WDR7: variants seen among roughly 807,000 people sequenced by gnomAD.
The protein encoded by WDR7 is WD repeat-containing protein 7.
Under a neutral mutation model 169.4 loss-of-function variants are expected in WDR7, and 46 were observed. The observed-to-expected ratio is 0.27, with a 90% CI of 0.21 to 0.35. The LOEUF is 0.35. Among genes scored for constraint, WDR7 ranks in the 10% least tolerant of loss-of-function variants. The pLI is 1.00. For missense variants in WDR7, 1,534 were observed against 1,859.3 expected (o/e 0.83, Z 3.22); for synonymous variants, 612 against 666.8 (o/e 0.92, Z 1.27).
intron 12 of WDR7, among the ~76,000 whole-genome samples, chr18:56,714,463 G>A (rs979246883): frequency 5.1e-5 from 3 of 59,038 alleles, no homozygotes; most frequent in African/African-American, 7.2e-5. Flanking sequence ...TTTTTTTTTT[G>A]AGATGGAGTC....
chr18:56,986,339 A>T (rs953313021), intron 26 of WDR7, among the ~76,000 whole-genome samples: 1 of 152,112 alleles, frequency 6.6e-6, no homozygotes, highest in Admixed American at 6.5e-5. Flanking sequence ...TAAGAAAAGG[A>T]TCTTGCTTTT....
rs995878587 is a variant in WDR7 at position 56,907,290 on chromosome 18, G to A, written c.3527-16632G>A. ...TTTAGTGCTTCCTCAATGCCAGAGA[G>A]TATGTTAAGCATTGGGGTATGGTTG... is the stretch of plus-strand genomic sequence containing the variant. On this transcript the variant is annotated intron_variant, in intron 21 of 27. Coordinates refer to ENST00000254442, the MANE Select transcript of WDR7 (RefSeq NM_015285.3). 4.0e-5 allele frequency among the ~76,000 whole-genome samples: 6 copies of A among 148,694 alleles called. No homozygotes were observed. The Admixed American group carries it at 4.1e-4, about 10-fold the overall frequency.
chr18:56,833,164 AAC>A (rs1365747561), intron 20 of WDR7, among the ~76,000 whole-genome samples: 2 of 151,998 alleles, frequency 1.3e-5, no homozygotes, highest in African/African-American at 4.8e-5. Flanking sequence ...GGAACTGAAA[AAC>A]ACAGCACGAG....
chr18:56,720,608 A>G (rs953130165), intron 13 of WDR7, among the ~76,000 whole-genome samples: 3 of 152,210 alleles, frequency 2.0e-5, no homozygotes, highest in Non-Finnish European at 4.4e-5. Flanking sequence ...TAATACTTGA[A>G]TATTTCAGAT....
intron 20 of WDR7, among the ~76,000 whole-genome samples, chr18:56,820,479 T>G (rs1157335458): frequency 1.3e-5 from 2 of 151,728 alleles, no homozygotes; most frequent in African/African-American, 4.8e-5. Context: ...TGATGCATTT[T>G]TTGTTAAATT....
chr18:56,949,330 TATTG>T (rs1184704777), intron 25 of WDR7, among the ~76,000 whole-genome samples: 15 of 152,214 alleles, frequency 9.9e-5, no homozygotes, highest in African/African-American at 3.6e-4. Context: ...ATTTTAAAAA[TATTG>T]ATTTATTTAA....
intron 20 of WDR7, among the ~76,000 whole-genome samples, chr18:56,864,216 A>G (rs529767350): frequency 3.2e-4 from 48 of 151,832 alleles, no homozygotes; most frequent in African/African-American, 1.1e-3. Context: ...TACAATGTGT[A>G]TTTAAAAAAC....
intron 26 of WDR7, among the ~76,000 whole-genome samples, chr18:56,971,789 T>A (rs1356647595): frequency 6.6e-6 from 1 of 152,154 alleles, no homozygotes; most frequent in Non-Finnish European, 1.5e-5. Context: ...AAAGCATGCT[T>A]ATCAGAAATA....
intron 21 of WDR7, among the ~76,000 whole-genome samples, chr18:56,883,528 A>G (rs1383973095): frequency 6.0e-5 from 9 of 150,348 alleles, no homozygotes; most frequent in African/African-American, 1.7e-4. Context: ...TTAAATTTCA[A>G]TAGGTTTTGG....
chr18:56,821,764 G>T (rs1004981667), intron 20 of WDR7, among the ~76,000 whole-genome samples: 3 of 151,614 alleles, frequency 2.0e-5, no homozygotes, highest in African/African-American at 7.3e-5. Flanking sequence ...GAGAGCTAAG[G>T]CAGGAGGATT....
chr18:56,756,722 C>G lies in WDR7; in HGVS notation c.2129C>G (p.Pro710Arg). 6.2e-7 allele frequency: 1 copy of G among 1,614,070 alleles called. No individual in the cohort carries two copies. Among genetic ancestry groups the G allele is most frequent in the Non-Finnish European group, 8.5e-7 (1 of 1,180,012 alleles). Residue 710 changes from proline (P) to arginine (R), a missense_variant, in exon 15 of 28, where the codon CCG (proline) becomes CGG (arginine). Pro to Arg is a moderately radical substitution (Grantham distance 103). Coordinates refer to ENST00000254442, the MANE Select transcript of WDR7 (RefSeq NM_015285.3). ...CTCCTGACTGAAGAAGCCTCTAGGC[C>G]GAATACTGCTCTTATTTCCCCAGAG... is the stretch of plus-strand genomic sequence containing the variant. ...IQLLTEEASR[P>R]NTALISPENL...
chr18:56,883,320 C>T (rs1212432731), intron 21 of WDR7, among the ~76,000 whole-genome samples: 2 of 151,746 alleles, frequency 1.3e-5, no homozygotes, highest in Admixed American at 1.3e-4. Context: ...TCTCATTATC[C>T]TAGTTATGTA....
chr18:56,972,325 G>C (rs1005792148), intron 26 of WDR7, among the ~76,000 whole-genome samples: 3 of 152,176 alleles, frequency 2.0e-5, no homozygotes, highest in Non-Finnish European at 4.4e-5. Flanking sequence ...TAGGGATCTT[G>C]TGGACAGTAA....
intron 21 of WDR7, among the ~76,000 whole-genome samples, chr18:56,886,223 A>G (rs2046190970): frequency 6.6e-6 from 1 of 152,196 alleles, no homozygotes; most frequent in South Asian, 2.1e-4. Flanking sequence ...AAGAGCTGTG[A>G]GGCAAAAGCA....
At chr18:56,984,882 C>T (rs2047691800) in intron 26 of WDR7, among the ~76,000 whole-genome samples, 1 of 152,096 alleles carries the variant, frequency 6.6e-6, no homozygotes, top group Admixed American at 6.5e-5. Flanking sequence ...AGTGCCCTTC[C>T]CTGGCTGTAT....
intron 19 of WDR7, among the ~76,000 whole-genome samples, chr18:56,789,284 A>T (rs75253379): frequency 0.026 from 4,019 of 152,338 alleles, 72 homozygotes; most frequent in African/African-American, 0.051. Context: ...GTCAAGTGGC[A>T]AATTAAAAAT....
Position 56,928,230 on chromosome 18 carries a change from G to A in WDR7, c.3713+4122G>A, listed in dbSNP as rs552887118. On this transcript the variant is annotated intron_variant, in intron 22 of 27. Coordinates refer to ENST00000254442, the MANE Select transcript of WDR7 (RefSeq NM_015285.3). ...TGTAATCCTAGCACTTTGGGAGGCC[G>A]AGGTGGGAGGATTGCTTGAGCTCAG... Among the ~76,000 whole-genome samples the A allele has an allele frequency of 1.1e-4, 16 of 152,264 alleles. No individual in the cohort carries two copies. In the South Asian group the frequency reaches 1.9e-3, roughly 18 times the overall value.
chr18:56,694,813 C>G, intron 10 of WDR7, 53 bp downstream of exon 10: 1 of 1,549,044 alleles, frequency 6.5e-7, no homozygotes, highest in East Asian at 2.3e-5. Flanking sequence ...ATCTTAAATA[C>G]CAACTACTGA....
In WDR7 at chr18:56,779,504, C is replaced by T. The variant is rs34678096; in HGVS notation, c.3021C>T (p.Pro1007=). The change falls in exon 18 of 28, where the codon CCC becomes CCT. Residue 1007 remains proline (P), a synonymous_variant. Transcript: ENST00000254442. ...DLLGLDKFRP[P]LLEMLARRWQ... ...TGGGATTGGATAAATTTAGGCCTCCCCTTCTGGAGATGCTGGCCCGAAGAT... is the reference window on the plus strand; with the variant it reads ...TGGGATTGGATAAATTTAGGCCTCCTCTTCTGGAGATGCTGGCCCGAAGAT... 7,383 of 1,613,950 alleles carry T rather than the reference C, an allele frequency of 4.6e-3. 28 individuals carry two copies. Among genetic ancestry groups the T allele is most frequent in the Non-Finnish European group, 5.3e-3 (6,219 of 1,179,896 alleles).
Sources: gnomAD v4.1 joint callset for allele counts (sites outside exome capture counted in the v4.1 genomes callset) on GRCh38, gnomAD v4.1.1 for gene constraint, MANE v1.5 for transcripts, NCBI Gene and HGNC (gene_info 2026-07-23, HGNC 2026-07-21) for gene names.